TTC31: variants seen among roughly 807,000 people sequenced by gnomAD.
TTC31 encodes tetratricopeptide repeat domain 31.
Under a neutral mutation model 60.4 loss-of-function variants are expected in TTC31, and 59 were observed. The ratio of observed to expected loss-of-function variants is 0.98; its 90% CI spans 0.79 to 1.21. The LOEUF is 1.21. TTC31 is among the 50% of genes most tolerant of loss of function. TTC31 has a pLI of 0.00. For synonymous variants in TTC31, 225 were observed against 249.6 expected, an observed-to-expected ratio of 0.90 and a Z score of 0.93; for missense variants, 672 against 646.9, an observed-to-expected ratio of 1.04 and a Z score of -0.42.
rs1558583204 is a variant in TTC31 at position 74,490,130 on chromosome 2, G to A, written c.232+3G>A. ...GCGGCTGCAGCTGTGGCACCATGGTGGGGAGTGCAGGGACCGGGCCCAGGG... is the reference window on the plus strand; with the variant it reads ...GCGGCTGCAGCTGTGGCACCATGGTAGGGAGTGCAGGGACCGGGCCCAGGG... On this transcript the variant is annotated splice_donor_region_variant and intron_variant, in intron 3 of 12. Transcript: ENST00000233623. 1.2e-6 allele frequency: 2 copies of A among 1,601,502 alleles called. No individual in the cohort carries two copies. Among genetic ancestry groups the A allele is most frequent in the Non-Finnish European group, 8.5e-7 (1 of 1,173,950 alleles).
chr2:74,488,918 T>C (rs1314726620), intron 2 of TTC31, among the ~76,000 whole-genome samples: 1 of 152,134 alleles, frequency 6.6e-6, no homozygotes, highest in Non-Finnish European at 1.5e-5. Flanking sequence ...ACAAATGGTA[T>C]TGTGGCGTGT....
At chr2:74,488,086 G>A (rs1673354779) in intron 2 of TTC31, among the ~76,000 whole-genome samples, 1 of 151,888 alleles carries the variant, frequency 6.6e-6, no homozygotes, top group African/African-American at 2.4e-5. Context: ...ACAGTCCTTC[G>A]ATTTCAGCCT....
chr2:74,484,255 T>C (rs1431946071), intron 2 of TTC31, among the ~76,000 whole-genome samples: 4 of 150,958 alleles, frequency 2.6e-5, no homozygotes, highest in African/African-American at 9.8e-5. Flanking sequence ...AATGAAAAAA[T>C]ATCTTTTTAT....
intron 2 of TTC31, among the ~76,000 whole-genome samples, chr2:74,487,890 G>T (rs1673322670): frequency 6.6e-6 from 1 of 152,004 alleles, no homozygotes; most frequent in African/African-American, 2.4e-5. Flanking sequence ...ATGTTGGCCA[G>T]GCTGGTCTAA....
chr2:74,490,316 G>C lies in TTC31; in HGVS notation c.305G>C (p.Gly102Ala). ...AGTGACAGGGGCAAGGGGGCTGAGG[G>C]ACTGGGCACCTACTGTGGTCTCCGC... ...GQSDRGKGAE[G>A]LGTYCGLRKS... Residue 102 changes from glycine to alanine, a missense_variant, in exon 4 of 13, where the codon GGA (glycine) becomes GCA (alanine). Physicochemically the swap from Gly to Ala is moderately conservative, Grantham distance 60. Transcript: ENST00000233623. 1.2e-6 allele frequency: 2 copies of C among 1,614,132 alleles called. No homozygotes were observed. Among genetic ancestry groups the C allele is most frequent in the Non-Finnish European group, 8.5e-7 (1 of 1,179,998 alleles).
At chr2:74,492,844 G>A (rs865892427) in intron 12 of TTC31, 78 bp from the exon 13 acceptor site, 1 of 1,583,920 alleles carries the variant, frequency 6.3e-7, no homozygotes, top group East Asian at 2.3e-5. Flanking sequence ...GAGGGGGCGG[G>A]GAAGGATGGG....
chr2:74,484,405 G>T lies in TTC31; in HGVS notation c.129+995G>T, dbSNP rs894631394. ...GAGAAGGCAGCAGATGGCTTGAAAGGCTTTGACTTAGCACAGGGGTTTGGA... is the reference window on the plus strand; with the variant it reads ...GAGAAGGCAGCAGATGGCTTGAAAGTCTTTGACTTAGCACAGGGGTTTGGA... On this transcript the variant is annotated intron_variant, in intron 2 of 12. Coordinates refer to ENST00000233623, the MANE Select transcript of TTC31 (RefSeq NM_022492.6). 3.9e-5 allele frequency among the ~76,000 whole-genome samples: 6 copies of T among 152,214 alleles called. No homozygotes were observed. In the South Asian group the frequency reaches 6.2e-4, roughly 16 times the overall value.
At chr2:74,486,260 G>A (rs1031619148) in intron 2 of TTC31, among the ~76,000 whole-genome samples, 26 of 150,390 alleles carry the variant, frequency 1.7e-4, no homozygotes, top group African/African-American at 6.1e-4. Context: ...GTTAGACTCC[G>A]TCTCAAAAAA....
chr2:74,492,125 T>G lies in TTC31; in HGVS notation c.929-14T>G. The G allele has an allele frequency of 6.2e-7, 1 of 1,614,192 alleles. No homozygotes were observed. The highest frequency in any genetic ancestry group is 8.5e-7 in the Non-Finnish European group (1 of 1,180,028). On this transcript the variant is annotated splice_polypyrimidine_tract_variant and intron_variant, in intron 9 of 12. Coordinates refer to ENST00000233623, the MANE Select transcript of TTC31 (RefSeq NM_022492.6). The stretch of plus-strand genomic sequence containing the variant: ...TAGCCCCATCTGAACCTTCTCACCC[T>G]CTTTCCTTTCCAGAGTTGGGTACCA...
At chr2:74,490,001 C>T in intron 2 of TTC31, 24 bp from the exon 3 acceptor site, 1 of 1,415,802 alleles carries the variant, frequency 7.1e-7, no homozygotes, top group Non-Finnish European at 9.7e-7. Context: ...CACCAGCCTC[C>T]CCTCCCCTCC....
At chr2:74,492,840 G>T in intron 12 of TTC31, 82 bp from the exon 13 acceptor site, 1 of 1,586,292 alleles carries the variant, frequency 6.3e-7, no homozygotes, top group Non-Finnish European at 8.6e-7. Flanking sequence ...TAAGGAGGGG[G>T]CGGGGAAGGA....
Position 74,489,996 on chromosome 2 carries a change from GCCTCCCCTCCCCTCC to G in TTC31, c.130-17_130-3del. On this transcript the variant is annotated splice_polypyrimidine_tract_variant and intron_variant, in intron 2 of 12. Coordinates refer to ENST00000233623, the MANE Select transcript of TTC31 (RefSeq NM_022492.6). ...TCTCCAGGAACTGCCCCCAACACCA[GCCTCCCCTCCCCTCC>G]CCTCCCCTCCCAGGACATAGTGGAT... The G allele has an allele frequency of 6.9e-7, 1 of 1,458,744 alleles. No homozygotes were observed. The highest frequency in any genetic ancestry group is 9.4e-7 in the Non-Finnish European group (1 of 1,064,380). 90.4% of individuals were successfully genotyped at this position (1,458,744 alleles called of 1,614,324 possible).
intron 2 of TTC31, among the ~76,000 whole-genome samples, chr2:74,484,293 C>T (rs1433591098): frequency 6.6e-6 from 1 of 151,666 alleles, no homozygotes; most frequent in East Asian, 1.9e-4. Context: ...TGAGCAAAGA[C>T]AGTAAAACAA....
At chr2:74,483,976 C>T in intron 2 of TTC31, among the ~76,000 whole-genome samples, 1 of 149,168 alleles carries the variant, frequency 6.7e-6, no homozygotes, top group East Asian at 2.0e-4. Context: ...TGGCTCACAC[C>T]TGTAATCTCA....
chr2:74,485,814 T>C (rs1288107330), intron 2 of TTC31, among the ~76,000 whole-genome samples: 1 of 151,620 alleles, frequency 6.6e-6, no homozygotes, highest in Non-Finnish European at 1.5e-5. Context: ...ATGTTGGTCA[T>C]GCTGATCTCA....
In TTC31 at chr2:74,490,067, C is replaced by T; in HGVS notation, c.172C>T (p.Gln58Ter). The T allele has an allele frequency of 1.3e-6, 2 of 1,581,546 alleles. No homozygotes were observed. The highest frequency in any genetic ancestry group is 1.7e-6 in the Non-Finnish European group (2 of 1,163,292). ...FLRRLVESDP[Q>*]GLHRIHVDGS... ...TCGACGGCTTGTGGAGAGTGATCCCCAGGGCCTGCACCGGATCCATGTGGA... is the reference window on the plus strand; with the variant it reads ...TCGACGGCTTGTGGAGAGTGATCCCTAGGGCCTGCACCGGATCCATGTGGA... The change falls in exon 3 of 13, where the codon CAG (glutamine) becomes TAG (stop). Residue 58 changes from glutamine (Q) to a stop codon, truncating the protein, a stop_gained. Transcript: ENST00000233623. LOFTEE classifies it high-confidence loss of function.
intron 2 of TTC31, among the ~76,000 whole-genome samples, chr2:74,489,585 A>G (rs549330496): frequency 1.4e-4 from 22 of 152,312 alleles, no homozygotes; most frequent in Admixed American, 1.2e-3. Context: ...GATGAGGTGC[A>G]GAGGAGCGGC....
In TTC31 at chr2:74,493,344, C is replaced by A; in HGVS notation, c.*126C>A. ...AGATCCATAGTTAATGATGCCCTGG[C>A]AGTCATTCCTCTTGCCATGGGGAAG... On this transcript the variant is annotated 3_prime_UTR_variant, in exon 13 of 13. Coordinates refer to ENST00000233623, the MANE Select transcript of TTC31 (RefSeq NM_022492.6). 1 of 1,007,060 alleles carries A rather than the reference C, an allele frequency of 9.9e-7. No individual in the cohort carries two copies. The highest frequency in any genetic ancestry group is 1.4e-6 in the Non-Finnish European group (1 of 707,412). 62.4% of individuals were successfully genotyped at this position (1,007,060 alleles called of 1,614,324 possible).
Position 74,493,520 on chromosome 2 carries a change from G to A in TTC31, c.*302G>A, listed in dbSNP as rs551271547. On this transcript the variant is annotated 3_prime_UTR_variant, in exon 13 of 13. Transcript: ENST00000233623. ...GTTTTTAGGCTATAGCAGAGACAGT[G>A]AGAAAGCATCTGGGCCTTTCTCTTC... The A allele has an allele frequency of 7.9e-5, 25 of 314,702 alleles. No individual in the cohort carries two copies. Among genetic ancestry groups the A allele is most frequent in the African/African-American group, 5.1e-4 (24 of 46,644 alleles). The allele number at this position is 314,702 out of a possible 1,614,324, so 19.5% of individuals were successfully genotyped here.
Sources: gnomAD v4.1 joint callset for allele counts (sites outside exome capture counted in the v4.1 genomes callset) on GRCh38, gnomAD v4.1.1 for gene constraint, MANE v1.5 for transcripts, NCBI Gene and HGNC (gene_info 2026-07-23, HGNC 2026-07-21) for gene names.